The following ARHGEF10L variants were observed in gnomAD, a reference collection of about 807,000 sequenced individuals.
ARHGEF10L encodes the protein Rho guanine nucleotide exchange factor 10 like.
In ARHGEF10L, 69 loss-of-function variants were observed where a neutral mutation model predicts 141.2. That is an observed-to-expected ratio of 0.49 (90% CI 0.40 to 0.60). ARHGEF10L has a LOEUF of 0.60. Among genes scored for constraint, ARHGEF10L ranks in the 20% least tolerant of loss-of-function variants. The pLI is 0.00. For missense variants in ARHGEF10L, 1,482 were observed against 1,734.3 expected, an observed-to-expected ratio of 0.85 and a Z score of 2.58; for synonymous variants, 711 against 718.5, an observed-to-expected ratio of 0.99 and a Z score of 0.17.
intron 1 of ARHGEF10L, among the ~76,000 whole-genome samples, chr1:17,552,582 T>A (rs367646555): frequency 7.1e-5 from 8 of 112,798 alleles, no homozygotes; most frequent in African/African-American, 2.4e-4. Context: ...TTTTTTTTTT[T>A]TTTTTTTTTT....
chr1:17,516,737 C>G, the ARHGEF10L span, among the ~76,000 whole-genome samples: 1 of 152,178 alleles, frequency 6.6e-6, no homozygotes, highest in East Asian at 1.9e-4. Context: ...CCTGCAAAAC[C>G]CCAGAACAAG....
chr1:17,696,222 A>AAG lies in ARHGEF10L; in HGVS notation c.3308-625_3308-624insGA, dbSNP rs2065487592. 4.0e-5 allele frequency among the ~76,000 whole-genome samples: 6 copies of AAG among 151,318 alleles called. No individual in the cohort carries two copies. The South Asian group carries it at 1.3e-3, about 32-fold the overall frequency. ...AGTGAGACACCATCTCAAAAAAAAA[A>AAG]AAAAAAGTTGCTTCTAAATTCTGAG... On this transcript the variant is annotated intron_variant, in intron 28 of 28. Coordinates refer to ENST00000361221, the MANE Select transcript of ARHGEF10L (RefSeq NM_018125.4).
rs139531360 is a variant in ARHGEF10L at position 17,634,937 on chromosome 1, C to T, written c.1848C>T (p.Asp616=). ...TGCAGGTGGTGGAGGTGGGCCAGGA[C>T]GGTGGCACCTATGACAAGGACAATG... is the stretch of plus-strand genomic sequence containing the variant. The part of the protein sequence containing the change: ...PQVQVVEVGQ[D]GGTYDKDNVL... The change falls in exon 18 of 29, where the codon GAC becomes GAT. Residue 616 remains aspartate (D), a synonymous_variant. Coordinates refer to ENST00000361221, the MANE Select transcript of ARHGEF10L (RefSeq NM_018125.4). 4.8e-5 allele frequency: 78 copies of T among 1,614,110 alleles called. No homozygotes were observed. The South Asian group carries it at 6.8e-4, about 14-fold the overall frequency.
chr1:17,607,924 A>G lies in ARHGEF10L; in HGVS notation c.556A>G (p.Lys186Glu), dbSNP rs1271058768. 1.3e-6 allele frequency: 2 copies of G among 1,524,754 alleles called. No individual in the cohort carries two copies. Among genetic ancestry groups the G allele is most frequent in the Non-Finnish European group, 1.8e-6 (2 of 1,138,466 alleles). The allele number at this position is 1,524,754 out of a possible 1,614,324, so 94.5% of individuals were successfully genotyped here. ...CAGCGAGGACTCGGGGGAGGAGGCC[A>G]AGCCGGAGGTCGAGGTCGAGCCCGC... ...SYSEDSGEEA[K>E]PEVEVEPAKH... The change falls in exon 7 of 29, where the codon AAG (lysine) becomes GAG (glutamate). Residue 186 changes from lysine to glutamate, a missense_variant. Lys to Glu is a moderately conservative substitution (Grantham distance 56). Coordinates refer to ENST00000361221, the MANE Select transcript of ARHGEF10L (RefSeq NM_018125.4). The surrounding 1 kb of genome is among the most constrained non-coding windows in gnomAD (Gnocchi z 4.5).
intron 21 of ARHGEF10L, among the ~76,000 whole-genome samples, chr1:17,642,621 A>G (rs923920750): frequency 3.9e-5 from 6 of 152,172 alleles, no homozygotes; most frequent in African/African-American, 1.4e-4. Flanking sequence ...AGAGGCTTCT[A>G]CTCAGCCCAT....
At chr1:17,554,279 C>T (rs150703050) in intron 1 of ARHGEF10L, among the ~76,000 whole-genome samples, 375 of 152,156 alleles carry the variant, frequency 2.5e-3, no homozygotes, top group Non-Finnish European at 4.0e-3. Flanking sequence ...CCACCATTGG[C>T]CAGAGCTCAG....
chr1:17,591,939 G>T (rs935082285), intron 4 of ARHGEF10L, among the ~76,000 whole-genome samples: 1 of 152,234 alleles, frequency 6.6e-6, no homozygotes, highest in African/African-American at 2.4e-5. Flanking sequence ...GAGGCTTAGA[G>T]AACTGAAGTA....
Position 17,625,938 on chromosome 1 carries a change from G to A in ARHGEF10L, c.1318-18G>A. 6.2e-7 allele frequency: 1 copy of A among 1,612,830 alleles called. No individual in the cohort carries two copies. Among genetic ancestry groups the A allele is most frequent in the Non-Finnish European group, 8.5e-7 (1 of 1,179,034 alleles). On this transcript the variant is annotated intron_variant, in intron 13 of 28. Transcript: ENST00000361221. This position sits in a 1 kb window ranked among gnomAD's most constrained non-coding sequence, Gnocchi z 4.5. ...CTCTGCAGGGGGTCAGCGAATGACGGAACCTTGTCTCCACCAGCGACGGCA... is the reference window on the plus strand; with the variant it reads ...CTCTGCAGGGGGTCAGCGAATGACGAAACCTTGTCTCCACCAGCGACGGCA...
At chr1:17,527,141 ATC>A in the ARHGEF10L span, among the ~76,000 whole-genome samples, 1 of 152,146 alleles carries the variant, frequency 6.6e-6, no homozygotes, top group African/African-American at 2.4e-5. Context: ...GACTTGTTTC[ATC>A]TCTGAGTCTT....
chr1:17,696,819 C>T, intron 28 of ARHGEF10L, 29 bp from the exon 29 acceptor site: 2 of 1,513,302 alleles, frequency 1.3e-6, no homozygotes, highest in East Asian at 4.6e-5. Flanking sequence ...GCCTTTGGGC[C>T]CCTTTCTCTC....
At chr1:17,674,472 C>T (rs946663849) in intron 26 of ARHGEF10L, among the ~76,000 whole-genome samples, 5 of 152,224 alleles carry the variant, frequency 3.3e-5, no homozygotes, top group Non-Finnish European at 5.9e-5. Flanking sequence ...GCCGCATACA[C>T]GTGCCCAGCT....
chr1:17,655,825 T>C, intron 23 of ARHGEF10L, 54 bp from the exon 24 acceptor site: 6 of 1,502,158 alleles, frequency 4.0e-6, no homozygotes, highest in Non-Finnish European at 3.6e-6. Flanking sequence ...GAGGTCCTCC[T>C]CTGCTCCCTC....
chr1:17,532,547 C>T, the ARHGEF10L span, among the ~76,000 whole-genome samples: 1 of 151,794 alleles, frequency 6.6e-6, no homozygotes, highest in Non-Finnish European at 1.5e-5. Flanking sequence ...TACCCCAGCC[C>T]ACATTTACCC....
At chr1:17,580,275 G>T (rs960395946) in intron 1 of ARHGEF10L, among the ~76,000 whole-genome samples, 10 of 152,214 alleles carry the variant, frequency 6.6e-5, no homozygotes, top group African/African-American at 2.2e-4. Context: ...AGGGGATGAG[G>T]ACGGACACCC....
intron 25 of ARHGEF10L, among the ~76,000 whole-genome samples, chr1:17,663,244 T>G (rs1248445113): frequency 6.6e-6 from 1 of 152,118 alleles, no homozygotes; most frequent in East Asian, 1.9e-4. Flanking sequence ...CGACTGGGGA[T>G]TCATTGCCTC....
intron 18 of ARHGEF10L, 23 bp downstream of exon 18, chr1:17,635,039 C>T (rs1200015582): frequency 1.9e-6 from 3 of 1,613,052 alleles, no homozygotes; most frequent in South Asian, 2.2e-5. Context: ...TCTCTGTGCC[C>T]TGCGTTCGTC....
At chr1:17,635,339 C>T (rs1461452194) in intron 18 of ARHGEF10L, among the ~76,000 whole-genome samples, 1 of 152,210 alleles carries the variant, frequency 6.6e-6, no homozygotes, top group Non-Finnish European at 1.5e-5. Context: ...CCTCCCTGTC[C>T]ATCCTCTGCC....
At chr1:17,537,349 G>A (rs974648094), upstream of ARHGEF10L, among the ~76,000 whole-genome samples, 9 of 152,176 alleles carry the variant, frequency 5.9e-5, no homozygotes, top group Non-Finnish European at 1.0e-4. Context: ...ATATTGATAA[G>A]GGTTCTAGGG....
intron 3 of ARHGEF10L, 64 bp downstream of exon 3, chr1:17,587,709 C>G: frequency 6.6e-7 from 1 of 1,506,548 alleles, no homozygotes; most frequent in Non-Finnish European, 8.9e-7. Flanking sequence ...TGGGCGGAAG[C>G]TCCAGGCTCT....
Sources: gnomAD v4.1 joint callset for allele counts (sites outside exome capture counted in the v4.1 genomes callset) on GRCh38, gnomAD v4.1.1 for gene constraint, Gnocchi (gnomAD v3.1) non-coding constraint, MANE v1.5 for transcripts, NCBI Gene and HGNC (gene_info 2026-07-23, HGNC 2026-07-21) for gene names.